FHOD3: variants seen among roughly 807,000 people sequenced by gnomAD.
The protein encoded by FHOD3 is formin homology 2 domain containing 3, also known as FH1/FH2 domain-containing protein 3.
FHOD3 carries 90 observed loss-of-function variants against 173.0 expected under a neutral mutation model. That is an observed-to-expected ratio of 0.52 (90% CI 0.44 to 0.62). The LOEUF (loss-of-function observed/expected upper bound fraction) is 0.62, where lower values mean the gene tolerates loss of function less well. Among genes scored for constraint, FHOD3 ranks in the 20% least tolerant of loss-of-function variants. The pLI is 0.00. For synonymous variants in FHOD3, 828 were observed against 823.0 expected (o/e 1.01, Z -0.10); for missense variants, 1,945 against 2,034.7 (o/e 0.96, Z 0.85).
intron 1 of FHOD3, among the ~76,000 whole-genome samples, chr18:36,302,873 C>T (rs2091990695): frequency 6.6e-6 from 1 of 152,308 alleles, no homozygotes; most frequent in Admixed American, 6.5e-5. Flanking sequence ...AAATCTGACT[C>T]CACTGTAATT....
chr18:36,456,260 G>C lies in FHOD3; in HGVS notation c.338-45672G>C, dbSNP rs768342645. On this transcript the variant is annotated intron_variant, in intron 3 of 28. Transcript: ENST00000590592. ...ATCTTTGCATGACCTTTCATGATCTGTGACAAATCAACTTCTGACATTGAT... is the reference window on the plus strand; with the variant it reads ...ATCTTTGCATGACCTTTCATGATCTCTGACAAATCAACTTCTGACATTGAT... Among the ~76,000 whole-genome samples the C allele has an allele frequency of 3.0e-4, 45 of 152,062 alleles. 1 individual carries two copies. The highest frequency in any genetic ancestry group is 1.0e-4 in the Non-Finnish European group (7 of 68,034).
At chr18:36,418,321 C>T (rs2147025735) in intron 3 of FHOD3, among the ~76,000 whole-genome samples, 1 of 152,256 alleles carries the variant, frequency 6.6e-6, no homozygotes, top group African/African-American at 2.4e-5. Flanking sequence ...ATGTCTAATT[C>T]CAAGTGAAGA....
At chr18:36,394,654 G>C (rs927495749) in intron 3 of FHOD3, among the ~76,000 whole-genome samples, 51 of 152,184 alleles carry the variant, frequency 3.4e-4, no homozygotes, top group Admixed American at 3.3e-3. Context: ...GTTCTCTTTA[G>C]CTTCCTCTCT....
chr18:36,323,632 C>T lies in FHOD3; in HGVS notation c.165+25632C>T, dbSNP rs149802694. ...CTCTCCAGAGCACAAACTGCCAAGG[C>T]CACAGAAGGTGGGGAGTTAAGAGCA... is the stretch of plus-strand genomic sequence containing the variant. On this transcript the variant is annotated intron_variant, in intron 1 of 28. Transcript: ENST00000590592. Among the ~76,000 whole-genome samples, 11 of 152,322 alleles carry T rather than the reference C, an allele frequency of 7.2e-5. No individual in the cohort carries two copies. The East Asian group carries it at 1.9e-3, about 27-fold the overall frequency.
chr18:36,767,375 A>C (rs1157687072), intron 27 of FHOD3, among the ~76,000 whole-genome samples: 1 of 151,998 alleles, frequency 6.6e-6, no homozygotes, highest in African/African-American at 2.4e-5. Flanking sequence ...GCTGGAGCAT[A>C]GTGGCGTGAT....
At chr18:36,480,691 A>G (rs77441965) in intron 3 of FHOD3, among the ~76,000 whole-genome samples, 2,433 of 152,338 alleles carry the variant, frequency 0.016, 28 homozygotes, top group Middle Eastern at 0.034. Flanking sequence ...TGTAGCAGGT[A>G]AATAGCATTT....
intron 19 of FHOD3, among the ~76,000 whole-genome samples, chr18:36,720,337 A>T (rs1460670590): frequency 6.7e-6 from 1 of 148,866 alleles, no homozygotes; most frequent in African/African-American, 2.5e-5. Context: ...TCCCGGGTTC[A>T]AGAGATTCTC....
At chr18:36,714,620 A>C (rs1227859501) in intron 18 of FHOD3, among the ~76,000 whole-genome samples, 1 of 152,224 alleles carries the variant, frequency 6.6e-6, no homozygotes, top group Non-Finnish European at 1.5e-5. Flanking sequence ...AAATGGAGAA[A>C]GAGCAAGGCT....
chr18:36,642,068 A>G (rs2035349381), intron 10 of FHOD3, among the ~76,000 whole-genome samples: 2 of 152,168 alleles, frequency 1.3e-5, no homozygotes, highest in African/African-American at 4.8e-5. Context: ...CTTCTCACTT[A>G]TACGTGGGAG....
intron 19 of FHOD3, among the ~76,000 whole-genome samples, chr18:36,724,385 A>C (rs1568677103): frequency 6.6e-6 from 1 of 152,168 alleles, no homozygotes; most frequent in Admixed American, 6.5e-5. Flanking sequence ...CGGACTCCCA[A>C]CCCAGGTAGC....
chr18:36,709,060 G>A lies in FHOD3; in HGVS notation c.2237-35G>A, dbSNP rs200329225. ...CTCACTTCACCCTTCCAAGAAATCT[G>A]TCGTCAATATAATCTCCATTGTTGT... On this transcript the variant is annotated intron_variant, in intron 17 of 28. Transcript: ENST00000590592. 181 of 1,593,108 alleles carry A rather than the reference G, an allele frequency of 1.1e-4. No homozygotes were observed. The East Asian group carries it at 3.8e-3, about 33-fold the overall frequency.
chr18:36,299,134 G>A (rs1434098105), intron 1 of FHOD3, among the ~76,000 whole-genome samples: 1 of 152,164 alleles, frequency 6.6e-6, no homozygotes, highest in African/African-American at 2.4e-5. Context: ...GGAAACTGGT[G>A]GACTTTAGCA....
In FHOD3 at chr18:36,305,932, A is replaced by C. The variant is rs189646421; in HGVS notation, c.165+7932A>C. 1.2e-3 allele frequency among the ~76,000 whole-genome samples: 178 copies of C among 152,330 alleles called. 1 individual carries two copies. Among genetic ancestry groups the C allele is most frequent in the African/African-American group, 4.1e-3 (169 of 41,576 alleles). ...CACCTTCTTCAACCCTCCCAGAGTC[A>C]ATGAAAATGAGCATGTGGTGACATT... On this transcript the variant is annotated intron_variant, in intron 1 of 28. Coordinates refer to ENST00000590592, the MANE Select transcript of FHOD3 (RefSeq NM_001281740.3).
At chr18:36,575,583 C>A (rs2058618503) in intron 5 of FHOD3, among the ~76,000 whole-genome samples, 1 of 151,848 alleles carries the variant, frequency 6.6e-6, no homozygotes, top group Admixed American at 6.6e-5. Flanking sequence ...CTACTGTTAC[C>A]AGCATAAAAA....
chr18:36,711,959 T>C (rs2040192467), intron 18 of FHOD3, among the ~76,000 whole-genome samples: 1 of 152,104 alleles, frequency 6.6e-6, no homozygotes, highest in South Asian at 2.1e-4. Flanking sequence ...GCAATGTGAG[T>C]CAGTGATTTA....
chr18:36,716,893 CGGGGGAAATTA>C (rs1480941620), intron 18 of FHOD3, among the ~76,000 whole-genome samples: 1 of 147,014 alleles, frequency 6.8e-6, no homozygotes, highest in African/African-American at 2.6e-5. Flanking sequence ...TTTTTTAAGA[CGGGGGAAATTA>C]TATATGTGTA....
chr18:36,531,125 G>C (rs1449857409), intron 5 of FHOD3, among the ~76,000 whole-genome samples: 2 of 152,166 alleles, frequency 1.3e-5, no homozygotes, highest in African/African-American at 4.8e-5. Flanking sequence ...TTGAGGTCTA[G>C]AGGGCTCTGG....
chr18:36,393,171 C>T (rs953252328), intron 3 of FHOD3, among the ~76,000 whole-genome samples: 4 of 152,176 alleles, frequency 2.6e-5, no homozygotes, highest in African/African-American at 9.7e-5. Context: ...GGCTGCAGGG[C>T]AGAAGGCTGC....
At chr18:36,759,291 C>G in intron 26 of FHOD3, 150 bp downstream of exon 26, 1 of 857,214 alleles carries the variant, frequency 1.2e-6, no homozygotes, top group East Asian at 2.7e-5. Context: ...CGTGTGATCA[C>G]TAACCACCTG....
Sources: gnomAD v4.1 joint callset for allele counts (sites outside exome capture counted in the v4.1 genomes callset) on GRCh38, gnomAD v4.1.1 for gene constraint, MANE v1.5 for transcripts, NCBI Gene and HGNC (gene_info 2026-07-23, HGNC 2026-07-21) for gene names.